WWP2: variants seen among roughly 807,000 people sequenced by gnomAD.
WWP2 encodes NEDD4-like E3 ubiquitin-protein ligase WWP2.
Under a neutral mutation model 121.0 loss-of-function variants are expected in WWP2, and 57 were observed. That is an observed-to-expected ratio of 0.47 (90% CI 0.38 to 0.59). The LOEUF is 0.59. Ranked by LOEUF, WWP2 falls within the 20% of genes least tolerant of loss-of-function variation. The pLI is 0.00. For missense variants in WWP2, 962 were observed against 1,158.9 expected, an observed-to-expected ratio of 0.83 and a Z score of 2.47; for synonymous variants, 449 against 441.3, an observed-to-expected ratio of 1.02 and a Z score of -0.22.
intron 10 of WWP2, among the ~76,000 whole-genome samples, chr16:69,923,631 A>G (rs919970489): frequency 7.9e-5 from 12 of 152,182 alleles, no homozygotes; most frequent in Non-Finnish European, 1.6e-4. Flanking sequence ...CAGATGATCT[A>G]CTGACTCCAA....
intron 4 of WWP2, among the ~76,000 whole-genome samples, chr16:69,823,367 T>C (rs988260980): frequency 8.5e-5 from 13 of 152,172 alleles, no homozygotes; most frequent in Non-Finnish European, 1.2e-4. Context: ...TATTGGACAG[T>C]GCAGGTCTAG....
At chr16:69,780,429 A>G (rs754399491) in intron 1 of WWP2, among the ~76,000 whole-genome samples, 2 of 152,228 alleles carry the variant, frequency 1.3e-5, no homozygotes, top group Admixed American at 6.5e-5. Flanking sequence ...AAATACTGCT[A>G]TGATGAACAT....
chr16:69,868,690 C>T (rs952155807), intron 6 of WWP2, among the ~76,000 whole-genome samples: 3 of 139,326 alleles, frequency 2.2e-5, no homozygotes, highest in African/African-American at 5.4e-5. Context: ...CACACACACA[C>T]ACAGACATAC....
chr16:69,926,899 C>T (rs1307559372), intron 11 of WWP2, among the ~76,000 whole-genome samples: 4 of 152,108 alleles, frequency 2.6e-5, no homozygotes, highest in East Asian at 1.9e-4. Context: ...GCATAGAAGC[C>T]GGGGACTTCT....
chr16:69,934,904 C>T (rs564212740), intron 17 of WWP2, among the ~76,000 whole-genome samples: 13 of 152,304 alleles, frequency 8.5e-5, no homozygotes, highest in South Asian at 4.1e-4. Context: ...CTGCCGTTCA[C>T]GCCACGCTGC....
intron 13 of WWP2, 68 bp from the exon 14 acceptor site, chr16:69,931,084 C>A: frequency 6.6e-7 from 1 of 1,509,448 alleles, no homozygotes; most frequent in Non-Finnish European, 9.2e-7. Flanking sequence ...TTCCTTAGGG[C>A]TGACAAAGAC....
Position 69,889,161 on chromosome 16 carries a change from A to ACG in WWP2, c.914+913_914+914insGC, listed in dbSNP as rs1237289641. ...ATATCCTGCCTACACACACACACAC[A>ACG]CACACACACACACACAAATGTGGGC... On this transcript the variant is annotated intron_variant, in intron 8 of 23. Coordinates refer to ENST00000359154, the MANE Select transcript of WWP2 (RefSeq NM_001270454.2). Among the ~76,000 whole-genome samples the ACG allele has an allele frequency of 3.9e-4, 59 of 152,208 alleles. 1 individual carries two copies. The highest frequency in any genetic ancestry group is 1.4e-3 in the African/African-American group (59 of 41,530).
chr16:69,900,912 A>G (rs2058193988), intron 8 of WWP2, among the ~76,000 whole-genome samples: 1 of 152,318 alleles, frequency 6.6e-6, no homozygotes, highest in South Asian at 2.1e-4. Flanking sequence ...AGCTGCTCCC[A>G]TGCCATCCTG....
intron 6 of WWP2, among the ~76,000 whole-genome samples, chr16:69,866,324 A>G (rs938488782): frequency 6.9e-6 from 1 of 144,234 alleles, no homozygotes; most frequent in Admixed American, 7.1e-5. Flanking sequence ...ATTTATGGAG[A>G]CGGAGTCTTC....
In WWP2 at chr16:69,842,110, G is replaced by A; in HGVS notation, c.565G>A (p.Gly189Arg). Residue 189 changes from glycine to arginine, a missense_variant, in exon 6 of 24, where the codon GGA becomes AGA. Physicochemically the swap from Gly to Arg is moderately radical, Grantham distance 125. This residue lies in a region of WWP2 where 211 missense variants were observed against 196.5 expected (regional missense o/e 1.07). Coordinates refer to ENST00000359154, the MANE Select transcript of WWP2 (RefSeq NM_001270454.2). ...GCCCCCCAGCACAAACTGCTTTGGT[G>A]GAAGATCCCGGTAAGACCCCCCTTG... ...HQPPSTNCFG[G>R]RSRTHRHSGA... 1 of 1,612,346 alleles carries A rather than the reference G, an allele frequency of 6.2e-7. No individual in the cohort carries two copies. Among genetic ancestry groups the A allele is most frequent in the Non-Finnish European group, 8.5e-7 (1 of 1,179,278 alleles).
At chr16:69,817,965 C>T (rs1018293011) in intron 4 of WWP2, among the ~76,000 whole-genome samples, 8 of 151,742 alleles carry the variant, frequency 5.3e-5, no homozygotes, top group Admixed American at 6.6e-5. Context: ...GGCATGCAGT[C>T]GCTGGGTCAG....
In WWP2 at chr16:69,870,020, C is replaced by T. The variant is rs368352017; in HGVS notation, c.576-1784C>T. On this transcript the variant is annotated intron_variant, in intron 6 of 23. Coordinates refer to ENST00000359154, the MANE Select transcript of WWP2 (RefSeq NM_001270454.2). The stretch of plus-strand genomic sequence containing the variant: ...AGGAATTTAGCTTGAGTTCAGGCTT[C>T]CTGTCCCATCTTCTGACCTAAGAGC... Among the ~76,000 whole-genome samples, 16 of 152,318 alleles carry T rather than the reference C, an allele frequency of 1.1e-4. 2 individuals are homozygous for T. The highest frequency in any genetic ancestry group is 3.9e-4 in the East Asian group (2 of 5,180).
intron 4 of WWP2, among the ~76,000 whole-genome samples, chr16:69,805,705 G>T (rs1418157205): frequency 6.6e-6 from 1 of 151,548 alleles, no homozygotes; most frequent in Non-Finnish European, 1.5e-5. Context: ...CTACCTCCCA[G>T]GCTCAAGCAA....
intron 4 of WWP2, among the ~76,000 whole-genome samples, chr16:69,837,276 T>C (rs2056893982): frequency 6.6e-6 from 1 of 151,440 alleles, no homozygotes; most frequent in African/African-American, 2.4e-5. Context: ...GTGTTACTCA[T>C]GCTTGTCTTG....
chr16:69,907,261 T>C (rs1457947231), intron 8 of WWP2, among the ~76,000 whole-genome samples: 1 of 152,224 alleles, frequency 6.6e-6, no homozygotes, highest in Non-Finnish European at 1.5e-5. Context: ...TGTGCATTCT[T>C]GTGTAACTAG....
chr16:69,768,012 C>T (rs1358871958), intron 1 of WWP2, among the ~76,000 whole-genome samples: 3 of 151,982 alleles, frequency 2.0e-5, no homozygotes, highest in Non-Finnish European at 2.9e-5. Context: ...TAATTTTTAA[C>T]TTTTTTGTAG....
At chr16:69,823,230 A>G (rs1318672929) in intron 4 of WWP2, among the ~76,000 whole-genome samples, 1 of 152,214 alleles carries the variant, frequency 6.6e-6, no homozygotes, top group Non-Finnish European at 1.5e-5. Context: ...TGTAATCAGT[A>G]TAAAGAAAAG....
Position 69,842,120 on chromosome 16 carries a change from G to A in WWP2, c.575G>A (p.Arg192Gln). ...PSTNCFGGRS[R>Q]THRHSGASAR... The stretch of plus-strand genomic sequence containing the variant: ...ACAAACTGCTTTGGTGGAAGATCCC[G>A]GTAAGACCCCCCTTGGTGAGGACAA... Residue 192 changes from arginine (R) to glutamine (Q), a missense_variant and splice_region_variant, in exon 6 of 24, where the codon CGG (arginine) becomes CAG (glutamine). Around this residue, in one of 3 missense-constraint regions of WWP2, gnomAD observed 211 missense variants for 196.5 expected, o/e 1.07. Transcript: ENST00000359154. 2 of 1,611,838 alleles carry A rather than the reference G, an allele frequency of 1.2e-6. No individual in the cohort carries two copies. Among genetic ancestry groups the A allele is most frequent in the Non-Finnish European group, 1.7e-6 (2 of 1,179,026 alleles).
intron 6 of WWP2, among the ~76,000 whole-genome samples, chr16:69,846,713 C>T (rs2057087261): frequency 6.7e-6 from 1 of 148,808 alleles, no homozygotes; most frequent in Admixed American, 6.7e-5. Context: ...GAGTGAGACT[C>T]TGTCTCAAGA....
Sources: gnomAD v4.1 joint callset for allele counts (sites outside exome capture counted in the v4.1 genomes callset) on GRCh38, gnomAD v4.1.1 for gene constraint, gnomAD v4.1.1 regional missense constraint, MANE v1.5 for transcripts, NCBI Gene and HGNC (gene_info 2026-07-23, HGNC 2026-07-21) for gene names.